The following ANO10 variants were observed in gnomAD, a reference collection of about 807,000 sequenced individuals.
The protein encoded by ANO10 is anoctamin 10.
A neutral mutation model predicts 74.7 loss-of-function variants in ANO10; 77 were observed. The ratio of observed to expected loss-of-function variants is 1.03; its 90% confidence interval spans 0.86 to 1.25. ANO10 has a LOEUF of 1.25. Ranked by LOEUF, ANO10 falls within the 50% of genes most tolerant of loss-of-function variation. The pLI is 0.00. For missense variants in ANO10, 721 were observed against 778.1 expected, an observed-to-expected ratio of 0.93 and a Z score of 0.87; for synonymous variants, 279 against 284.9, an observed-to-expected ratio of 0.98 and a Z score of 0.21.
chr3:43,506,799 A>T (rs1407790353), intron 11 of ANO10, among the ~76,000 whole-genome samples: 1 of 152,170 alleles, frequency 6.6e-6, no homozygotes, highest in Non-Finnish European at 1.5e-5. Flanking sequence ...TCTCAGACCA[A>T]CTTCCTTAAA....
chr3:43,432,703 TA>T lies in ANO10; in HGVS notation c.1821del (p.Phe607LeufsTer16), dbSNP rs766617778. On this transcript the variant is annotated frameshift_variant, in exon 12 of 13. Coordinates refer to ENST00000292246, the MANE Select transcript of ANO10 (RefSeq NM_018075.5). LOFTEE classifies it high-confidence loss of function. The part of the protein sequence containing the change: ...AVEHALLALK[F>X]ILAFAIPDKP... Reference sequence around the variant, plus strand: ...TTATCAGGTATGGCAAATGCAAGTATAAACTTTAAAGCCAGGAGTGCGTGCT... The same window carrying T: ...TTATCAGGTATGGCAAATGCAAGTATAACTTTAAAGCCAGGAGTGCGTGCT... 3 of 1,613,656 alleles carry T rather than the reference TA, an allele frequency of 1.9e-6. No individual in the cohort carries two copies. The South Asian group carries it at 3.3e-5, about 18-fold the overall frequency.
At chr3:43,607,917 G>C (rs2082638600) in intron 1 of ANO10, among the ~76,000 whole-genome samples, 1 of 152,020 alleles carries the variant, frequency 6.6e-6, no homozygotes, top group Non-Finnish European at 1.5e-5. Context: ...ACCATTGAAT[G>C]ATAACACAGG....
chr3:43,530,094 T>C (rs192939762), intron 11 of ANO10, among the ~76,000 whole-genome samples: 1 of 152,102 alleles, frequency 6.6e-6, no homozygotes, highest in East Asian at 1.9e-4. Flanking sequence ...AAATAGAAAT[T>C]AAGAAGATAG....
intron 8 of ANO10, among the ~76,000 whole-genome samples, chr3:43,563,960 T>C (rs987437379): frequency 2.6e-5 from 4 of 152,158 alleles, no homozygotes; most frequent in African/African-American, 7.2e-5. Flanking sequence ...GTGATTATGG[T>C]TAACAATAAT....
At chr3:43,429,696 A>C (rs559066576) in intron 12 of ANO10, among the ~76,000 whole-genome samples, 8 of 152,284 alleles carry the variant, frequency 5.3e-5, no homozygotes, top group African/African-American at 1.9e-4. Context: ...CAATAGCTGC[A>C]AAAATGTAGG....
chr3:43,664,765 A>G (rs2083967780), intron 1 of ANO10, among the ~76,000 whole-genome samples: 1 of 152,118 alleles, frequency 6.6e-6, no homozygotes, highest in South Asian at 2.1e-4. Context: ...CAGACAACAG[A>G]CATATGAAAA....
chr3:43,579,908 A>T (rs2081186171), intron 5 of ANO10, among the ~76,000 whole-genome samples: 1 of 151,972 alleles, frequency 6.6e-6, no homozygotes, highest in South Asian at 2.1e-4. Context: ...TAATCCCAAC[A>T]CTTTGGGAGC....
intron 1 of ANO10, among the ~76,000 whole-genome samples, chr3:43,617,667 GATC>G (rs374018010): frequency 3.2e-4 from 48 of 152,108 alleles, no homozygotes; most frequent in African/African-American, 1.0e-3. Flanking sequence ...TTTTAACAAG[GATC>G]AGGAAAAGAA....
intron 7 of ANO10, among the ~76,000 whole-genome samples, 200 bp downstream of exon 7, chr3:43,574,609 T>G (rs1297261974): frequency 1.3e-5 from 2 of 152,192 alleles, no homozygotes; most frequent in Non-Finnish European, 2.9e-5. Context: ...TCCTATATTT[T>G]GAAGTCTTAC....
At chr3:43,470,964 T>C (rs552613816) in intron 11 of ANO10, among the ~76,000 whole-genome samples, 2 of 152,278 alleles carry the variant, frequency 1.3e-5, no homozygotes, top group South Asian at 4.1e-4. Flanking sequence ...AATTTTTCTA[T>C]AAAACTAAGA....
At chr3:43,648,480 T>C (rs1306122005) in intron 1 of ANO10, among the ~76,000 whole-genome samples, 2 of 152,152 alleles carry the variant, frequency 1.3e-5, no homozygotes, top group African/African-American at 4.8e-5. Context: ...TTGCCCATTT[T>C]TATGGTTATT....
At chr3:43,377,755 G>A (rs145988047) in intron 12 of ANO10, among the ~76,000 whole-genome samples, 22 of 152,284 alleles carry the variant, frequency 1.4e-4, no homozygotes, top group African/African-American at 5.3e-4. Context: ...ACCCCCGCAG[G>A]CTCCTTCAGT....
chr3:43,682,465 G>C (rs1223802827), intron 1 of ANO10, among the ~76,000 whole-genome samples: 2 of 152,100 alleles, frequency 1.3e-5, no homozygotes, highest in East Asian at 3.8e-4. Flanking sequence ...AAAAGTTCAG[G>C]ACCAGATGGA....
intron 12 of ANO10, among the ~76,000 whole-genome samples, chr3:43,428,573 A>C (rs548818312): frequency 3.9e-5 from 6 of 152,194 alleles, no homozygotes; most frequent in Non-Finnish European, 7.4e-5. Flanking sequence ...GAAAGCATTC[A>C]ATAAGTATAC....
intron 11 of ANO10, among the ~76,000 whole-genome samples, chr3:43,449,557 C>G (rs1210532094): frequency 3.9e-5 from 4 of 102,604 alleles, no homozygotes; most frequent in Non-Finnish European, 7.4e-5. Context: ...CCAGTTGTTA[C>G]AGCACCCTTT....
intron 1 of ANO10, among the ~76,000 whole-genome samples, chr3:43,619,237 A>G (rs1286328369): frequency 1.3e-5 from 2 of 152,210 alleles, no homozygotes; most frequent in African/African-American, 2.4e-5. Context: ...TTCACTTTAC[A>G]GGTCTGCACC....
rs557407185 is a variant in ANO10 at position 43,411,710 on chromosome 3, A to T, written c.1914+20901T>A. Among the ~76,000 whole-genome samples the T allele has an allele frequency of 1.2e-3, 189 of 152,320 alleles. 1 individual carries two copies. Among genetic ancestry groups the T allele is most frequent in the African/African-American group, 4.0e-3 (165 of 41,570 alleles). ...ACTCATACTTTAGCTACAAAAAAGC[A>T]GATGGTTTCAAGTCCAATGTAGGGC... On this transcript the variant is annotated intron_variant, in intron 12 of 12. Transcript: ENST00000292246.
At chr3:43,567,070 A>G (rs1420358769) in intron 7 of ANO10, among the ~76,000 whole-genome samples, 1 of 152,234 alleles carries the variant, frequency 6.6e-6, no homozygotes, top group African/African-American at 2.4e-5. Context: ...ATCAACTGGA[A>G]GAAAGGGTAT....
intron 1 of ANO10, among the ~76,000 whole-genome samples, chr3:43,667,019 G>GT (rs1328964700): frequency 3.2e-5 from 4 of 124,066 alleles, no homozygotes; most frequent in South Asian, 2.6e-4. Context: ...GTTGGATCTT[G>GT]TTTTTTGACC....
Sources: allele counts gnomAD v4.1 joint callset (sites outside exome capture counted in the v4.1 genomes callset), GRCh38; gene constraint gnomAD v4.1.1; transcripts MANE v1.5; gene names NCBI Gene and HGNC (gene_info 2026-07-23, HGNC 2026-07-21).